RCAN2: variants seen among roughly 807,000 people sequenced by gnomAD.
RCAN2 encodes calcipressin-2.
RCAN2 carries 9 observed loss-of-function variants against 23.6 expected under a neutral mutation model. The ratio of observed to expected loss-of-function variants is 0.38; its 90% CI spans 0.23 to 0.67. RCAN2 has a LOEUF of 0.67. Ranked by LOEUF, RCAN2 falls within the 30% of genes least tolerant of loss-of-function variation. RCAN2 has a pLI of 0.51. For missense variants in RCAN2, 273 were observed against 302.3 expected, an observed-to-expected ratio of 0.90 and a Z score of 0.72; for synonymous variants, 109 against 115.7, an observed-to-expected ratio of 0.94 and a Z score of 0.37.
chr6:46,276,760 C>G (rs1411496203), intron 2 of RCAN2, among the ~76,000 whole-genome samples: 1 of 152,216 alleles, frequency 6.6e-6, no homozygotes, highest in Non-Finnish European at 1.5e-5. Flanking sequence ...TGAAAGCTCT[C>G]TGGACTGCAT....
chr6:46,410,438 G>T (rs1766515592), intron 2 of RCAN2, among the ~76,000 whole-genome samples: 1 of 152,146 alleles, frequency 6.6e-6, no homozygotes, highest in African/African-American at 2.4e-5. Flanking sequence ...ATTTGAAGTA[G>T]ATTAGGACAT....
At chr6:46,239,072 C>T (rs1015535026) in intron 4 of RCAN2, among the ~76,000 whole-genome samples, 6 of 152,214 alleles carry the variant, frequency 3.9e-5, no homozygotes, top group Admixed American at 6.5e-5. Flanking sequence ...AATGTGGAGG[C>T]TAGAAGCCTA....
intron 2 of RCAN2, among the ~76,000 whole-genome samples, chr6:46,380,563 G>A (rs1219025647): frequency 6.6e-6 from 1 of 152,172 alleles, no homozygotes; most frequent in Non-Finnish European, 1.5e-5. Flanking sequence ...AGAAACTCTG[G>A]AGGCAGAGCC....
chr6:46,279,945 G>A (rs1767846755), intron 2 of RCAN2, among the ~76,000 whole-genome samples: 1 of 152,214 alleles, frequency 6.6e-6, no homozygotes, highest in Non-Finnish European at 1.5e-5. Context: ...TTTGGCACAT[G>A]ATAACTCAGT....
intron 2 of RCAN2, among the ~76,000 whole-genome samples, chr6:46,288,961 C>T (rs929417241): frequency 3.9e-5 from 6 of 152,206 alleles, no homozygotes; most frequent in African/African-American, 1.4e-4. Flanking sequence ...TCCTTCCTTC[C>T]CTTTCTGCAA....
chr6:46,266,348 G>A (rs1376637698), intron 2 of RCAN2, among the ~76,000 whole-genome samples: 1 of 152,120 alleles, frequency 6.6e-6, no homozygotes, highest in Admixed American at 6.6e-5. Context: ...TCACGACATT[G>A]TTTTTCCTTT....
In RCAN2 at chr6:46,314,840, C is replaced by T. The variant is rs112489515; in HGVS notation, c.226-65944G>A. Among the ~76,000 whole-genome samples the T allele has an allele frequency of 3.9e-3, 587 of 152,190 alleles. 4 individuals carry two copies. Among genetic ancestry groups the T allele is most frequent in the African/African-American group, 0.014 (566 of 41,512 alleles). The stretch of plus-strand genomic sequence containing the variant: ...CTTTGGGAGGCCTAGGCAGGCAGAT[C>T]GCTTGAGCTCAGGAGTTCAAGACCA... On this transcript the variant is annotated intron_variant, in intron 2 of 4. Coordinates refer to ENST00000371374, the MANE Select transcript of RCAN2 (RefSeq NM_001251974.2).
At chr6:46,367,022 G>GAGATATATAT (rs1423954723) in intron 2 of RCAN2, among the ~76,000 whole-genome samples, 3 of 59,690 alleles carry the variant, frequency 5.0e-5, no homozygotes, top group African/African-American at 1.4e-4. Flanking sequence ...ATCTGGGATG[G>GAGATATATAT]ATATATATAT....
intron 2 of RCAN2, among the ~76,000 whole-genome samples, chr6:46,441,764 T>C (rs1455512571): frequency 6.6e-6 from 1 of 152,144 alleles, no homozygotes; most frequent in East Asian, 1.9e-4. Context: ...AAAAATAAAC[T>C]ACACATGTTC....
intron 2 of RCAN2, among the ~76,000 whole-genome samples, chr6:46,437,453 G>T (rs1423007737): frequency 1.3e-5 from 2 of 152,096 alleles, no homozygotes; most frequent in South Asian, 4.1e-4. Context: ...TTAAAAATTG[G>T]GTAAAGTCAC....
intron 2 of RCAN2, among the ~76,000 whole-genome samples, chr6:46,316,206 C>T (rs955395757): frequency 3.9e-5 from 6 of 152,210 alleles, no homozygotes; most frequent in African/African-American, 1.4e-4. Flanking sequence ...AAGTCCACTA[C>T]TACTGAGGAT....
intron 1 of RCAN2, among the ~76,000 whole-genome samples, chr6:46,477,668 G>T (rs1768752092): frequency 6.6e-6 from 1 of 152,110 alleles, no homozygotes; most frequent in Non-Finnish European, 1.5e-5. Context: ...AATACACTCA[G>T]AGTTGTAACA....
At chr6:46,354,069 C>T (rs1001411661) in intron 2 of RCAN2, among the ~76,000 whole-genome samples, 1 of 152,016 alleles carries the variant, frequency 6.6e-6, no homozygotes, top group African/African-American at 2.4e-5. Context: ...GTACAGTTTT[C>T]CAGGAGTTAA....
chr6:46,328,651 A>T (rs960309277), intron 2 of RCAN2, among the ~76,000 whole-genome samples: 1 of 152,092 alleles, frequency 6.6e-6, no homozygotes. Context: ...TCATTCTATC[A>T]CCAGGCTGGA....
At chr6:46,344,424 G>A (rs375932330) in intron 2 of RCAN2, among the ~76,000 whole-genome samples, 1 of 152,104 alleles carries the variant, frequency 6.6e-6, no homozygotes, top group East Asian at 1.9e-4. Context: ...GCATAAATTT[G>A]TGGGTAAATA....
intron 2 of RCAN2, among the ~76,000 whole-genome samples, chr6:46,315,115 G>A (rs1763393197): frequency 6.6e-6 from 1 of 152,122 alleles, no homozygotes; most frequent in Admixed American, 6.5e-5. Context: ...TATTAAAACT[G>A]GCCTTGAATC....
At chr6:46,246,634 T>C (rs1052383068) in intron 4 of RCAN2, 114 bp downstream of exon 4, 1 of 828,562 alleles carries the variant, frequency 1.2e-6, no homozygotes, top group Non-Finnish European at 1.9e-6. Flanking sequence ...GAGGAATAAA[T>C]CTATTAGAAA....
chr6:46,264,707 T>A (rs1260824423), intron 2 of RCAN2, among the ~76,000 whole-genome samples: 1 of 152,170 alleles, frequency 6.6e-6, no homozygotes, highest in East Asian at 1.9e-4. Context: ...ATGGCTGAAG[T>A]GGATTTACTA....
At chr6:46,252,197 GC>G (rs928237612) in intron 2 of RCAN2, among the ~76,000 whole-genome samples, 1 of 152,100 alleles carries the variant, frequency 6.6e-6, no homozygotes. Flanking sequence ...GCACAATGAA[GC>G]CACCAGATGT....
Sources: gnomAD v4.1 joint callset for allele counts (sites outside exome capture counted in the v4.1 genomes callset) on GRCh38, gnomAD v4.1.1 for gene constraint, MANE v1.5 for transcripts, NCBI Gene and HGNC (gene_info 2026-07-23, HGNC 2026-07-21) for gene names.